Variants in NEBL observed in about 807,000 individuals in gnomAD.
The protein encoded by NEBL is LIM and SH3 protein 2.
In NEBL, 122 loss-of-function variants were observed where a neutral mutation model predicts 140.2. That is an observed-to-expected ratio of 0.87 (90% CI 0.75 to 1.01). The LOEUF is 1.01. NEBL is among the 50% of genes least tolerant of loss of function. The pLI is 0.00. For missense variants in NEBL, 1,365 were observed against 1,231.3 expected, an observed-to-expected ratio of 1.11 and a Z score of -1.62; for synonymous variants, 436 against 398.9, an observed-to-expected ratio of 1.09 and a Z score of -1.11.
At chr10:20,790,742 CCTT>C (rs1437381448) in intron 26 of NEBL, among the ~76,000 whole-genome samples, 1 of 152,096 alleles carries the variant, frequency 6.6e-6, no homozygotes, top group Non-Finnish European at 1.5e-5. Context: ...TACAGGAATG[CCTT>C]TTTTGGAAAC....
intron 26 of NEBL, among the ~76,000 whole-genome samples, chr10:20,804,991 A>C (rs1366788839): frequency 6.6e-6 from 1 of 152,164 alleles, no homozygotes; most frequent in African/African-American, 2.4e-5. Context: ...CATTGTCCAA[A>C]TGAGAGATGA....
chr10:20,940,050 C>T (rs1451307856), intron 4 of NEBL, among the ~76,000 whole-genome samples: 4 of 151,208 alleles, frequency 2.6e-5, no homozygotes, highest in African/African-American at 9.7e-5. Context: ...AACAAGGATA[C>T]CCAGGAATTG....
chr10:21,047,640 CA>C (rs11315155), intron 2 of NEBL, among the ~76,000 whole-genome samples: 2,171 of 151,682 alleles, frequency 0.014, 48 homozygotes, highest in African/African-American at 0.049. Context: ...TAGCATTGAC[CA>C]AAAAAATGTG....
chr10:21,005,314 G>A (rs1161053897), intron 3 of NEBL, among the ~76,000 whole-genome samples: 1 of 152,126 alleles, frequency 6.6e-6, no homozygotes, highest in Non-Finnish European at 1.5e-5. Context: ...AAATCAGCAG[G>A]GAGACCCCCA....
At chr10:21,266,388 C>A (rs1256299081) in intron 1 of NEBL, among the ~76,000 whole-genome samples, 2 of 152,214 alleles carry the variant, frequency 1.3e-5, no homozygotes, top group Non-Finnish European at 2.9e-5. Context: ...GCAACCCACC[C>A]AACTTGGCCT....
chr10:20,797,508 T>C (rs2131674843), intron 26 of NEBL, among the ~76,000 whole-genome samples: 1 of 152,288 alleles, frequency 6.6e-6, no homozygotes, highest in South Asian at 2.1e-4. Context: ...ATATATATTT[T>C]CCAACAAATA....
In NEBL at chr10:20,850,488, T is replaced by C. The variant is rs1389913271; in HGVS notation, c.1023A>G (p.Glu341=). 1.3e-6 allele frequency: 2 copies of C among 1,595,618 alleles called. No homozygotes were observed. Among genetic ancestry groups the C allele is most frequent in the Non-Finnish European group, 1.7e-6 (2 of 1,163,422 alleles). The change falls in exon 11 of 28, where the codon GAA becomes GAG. Residue 341 remains glutamate (E), a synonymous_variant. Transcript: ENST00000377122. ...GCTTTCCCTTATTTTTCTCATATTCTTCTTTATATTTCACCTTCATTGGAA... is the reference window on the plus strand; with the variant it reads ...GCTTTCCCTTATTTTTCTCATATTCCTCTTTATATTTCACCTTCATTGGAA... The part of the protein sequence containing the change: ...AVLQSQVKYK[E]EYEKNKGKPM...
chr10:20,883,621 G>T (rs1373199256), intron 4 of NEBL, among the ~76,000 whole-genome samples: 1 of 152,174 alleles, frequency 6.6e-6, no homozygotes, highest in Admixed American at 6.5e-5. Flanking sequence ...TAAATGAAAA[G>T]AACTAGTATA....
At chr10:21,180,466 G>A (rs924057950) in intron 3 of NEBL, among the ~76,000 whole-genome samples, 3 of 152,138 alleles carry the variant, frequency 2.0e-5, no homozygotes, top group Non-Finnish European at 2.9e-5. Context: ...CCGCCCCATC[G>A]AAATGAAAGG....
intron 3 of NEBL, among the ~76,000 whole-genome samples, chr10:20,981,959 A>T (rs998449918): frequency 6.6e-6 from 1 of 152,208 alleles, no homozygotes; most frequent in African/African-American, 2.4e-5. Context: ...CATTTCTAAC[A>T]AAAAGAATTC....
At chr10:21,213,119 A>G (rs1473736398) in intron 3 of NEBL, among the ~76,000 whole-genome samples, 1 of 152,156 alleles carries the variant, frequency 6.6e-6, no homozygotes, top group Non-Finnish European at 1.5e-5. Context: ...CAAGCCCTTC[A>G]AGCTGATGGT....
At chr10:21,102,532 C>A (rs1837522623) in intron 2 of NEBL, among the ~76,000 whole-genome samples, 1 of 152,170 alleles carries the variant, frequency 6.6e-6, no homozygotes, top group African/African-American at 2.4e-5. Flanking sequence ...ATAGTGTGGA[C>A]AAATTACTAT....
intron 3 of NEBL, among the ~76,000 whole-genome samples, chr10:21,228,705 T>C (rs910622714): frequency 4.6e-5 from 7 of 152,230 alleles, no homozygotes; most frequent in African/African-American, 1.4e-4. Flanking sequence ...TTATCCTAAA[T>C]TACTTTCCAT....
At chr10:20,845,196 A>G (rs1378078722) in intron 12 of NEBL, 62 bp downstream of exon 12, 35 of 1,083,168 alleles carry the variant, frequency 3.2e-5, no homozygotes, top group Non-Finnish European at 4.6e-5. Flanking sequence ...TTAGGTAAAC[A>G]TTTCCTGGGT....
intron 5 of NEBL, among the ~76,000 whole-genome samples, chr10:20,878,787 A>G (rs7909970): frequency 0.56 from 84,944 of 152,054 alleles, 25,220 homozygotes; most frequent in Non-Finnish European, 0.65. Context: ...GCCTTCTCCC[A>G]TAAGTACACA....
intron 1 of NEBL, among the ~76,000 whole-genome samples, chr10:21,275,921 G>A (rs927760567): frequency 2.9e-4 from 42 of 145,882 alleles, no homozygotes; most frequent in African/African-American, 1.1e-3. Flanking sequence ...GCCTCCCAAA[G>A]TGCTGGGATT....
chr10:20,828,268 CT>C (rs1840078690), intron 17 of NEBL, among the ~76,000 whole-genome samples: 1 of 151,958 alleles, frequency 6.6e-6, no homozygotes, highest in South Asian at 2.1e-4. Flanking sequence ...GACTTCTTTC[CT>C]GAGTTAAATT....
intron 26 of NEBL, among the ~76,000 whole-genome samples, chr10:20,795,388 G>C (rs933190196): frequency 5.9e-5 from 9 of 152,172 alleles, no homozygotes; most frequent in African/African-American, 2.2e-4. Flanking sequence ...TGTGGTTGAT[G>C]AGGTATGCTA....
intron 3 of NEBL, among the ~76,000 whole-genome samples, chr10:21,245,382 T>C (rs2071276018): frequency 6.6e-6 from 1 of 152,242 alleles, no homozygotes; most frequent in Non-Finnish European, 1.5e-5. Flanking sequence ...TTGAATATCA[T>C]ACTGAATACA....
Sources: gnomAD v4.1 joint callset for allele counts (sites outside exome capture counted in the v4.1 genomes callset) on GRCh38, gnomAD v4.1.1 for gene constraint, MANE v1.5 for transcripts, NCBI Gene and HGNC (gene_info 2026-07-23, HGNC 2026-07-21) for gene names.